The following GNAO1 variants were observed in gnomAD, a reference collection of about 807,000 sequenced individuals.
The protein encoded by GNAO1 is guanine nucleotide-binding protein G(o) subunit alpha.
For synonymous variants in GNAO1, 164 were observed against 180.7 expected (o/e 0.91, Z 0.74); for missense variants, 166 against 478.7 (o/e 0.35, Z 6.10).
intron 2 of GNAO1, among the ~76,000 whole-genome samples, chr16:56,240,559 T>C (rs1257359970): frequency 6.6e-6 from 1 of 152,208 alleles, no homozygotes; most frequent in African/African-American, 2.4e-5. Context: ...ACAGCATTTC[T>C]TCTCTTGTCT....
intron 3 of GNAO1, among the ~76,000 whole-genome samples, chr16:56,323,170 A>T (rs1596864531): frequency 6.6e-6 from 1 of 152,234 alleles, no homozygotes; most frequent in East Asian, 1.9e-4. Flanking sequence ...GCCCCGTGAG[A>T]GGGGGCAAGT....
intron 2 of GNAO1, among the ~76,000 whole-genome samples, chr16:56,225,573 G>T (rs1425252545): frequency 2.0e-5 from 3 of 152,196 alleles, no homozygotes; most frequent in African/African-American, 7.2e-5. Flanking sequence ...ACTCTGTTGA[G>T]ATCTGATGGG....
At chr16:56,288,015 G>C (rs2037190860) in intron 3 of GNAO1, among the ~76,000 whole-genome samples, 1 of 152,162 alleles carries the variant, frequency 6.6e-6, no homozygotes, top group Admixed American at 6.5e-5. Flanking sequence ...TGCTGAAATG[G>C]CTACTGCTCC....
In GNAO1 at chr16:56,351,326, C is replaced by T; in HGVS notation, c.724-58C>T. 3 of 1,293,990 alleles carry T rather than the reference C, an allele frequency of 2.3e-6. No individual in the cohort carries two copies. Among genetic ancestry groups the T allele is most frequent in the Non-Finnish European group, 3.3e-6 (3 of 900,724 alleles). The allele number at this position is 1,293,990 out of a possible 1,614,324, so 80.2% of individuals were successfully genotyped here. On this transcript the variant is annotated intron_variant, in intron 6 of 8. Coordinates refer to ENST00000262493, the MANE Select transcript of GNAO1 (RefSeq NM_020988.3). This position sits in a 1 kb window ranked among gnomAD's most constrained non-coding sequence, Gnocchi z 6.1. Reference sequence around the variant, plus strand: ...AGCCTAATTCTCTCCTTCTCTTTCCCTGTCTCTGTGTCTCCCTCCCGCTGT... The same window carrying T: ...AGCCTAATTCTCTCCTTCTCTTTCCTTGTCTCTGTGTCTCCCTCCCGCTGT...
chr16:56,201,394 A>C (rs2036280748), intron 2 of GNAO1, among the ~76,000 whole-genome samples: 1 of 152,242 alleles, frequency 6.6e-6, no homozygotes, highest in Non-Finnish European at 1.5e-5. Context: ...CAAAATATGT[A>C]AGAGGAGTGT....
intron 3 of GNAO1, among the ~76,000 whole-genome samples, chr16:56,287,908 G>C (rs1267885851): frequency 2.6e-5 from 4 of 152,182 alleles, no homozygotes; most frequent in African/African-American, 9.7e-5. Context: ...CAGACACTGT[G>C]TGACTGAGAA....
chr16:56,265,806 T>G (rs2036946494), intron 2 of GNAO1, among the ~76,000 whole-genome samples: 1 of 152,112 alleles, frequency 6.6e-6, no homozygotes, highest in Non-Finnish European at 1.5e-5. Context: ...AGGTGAGCAT[T>G]TGTTTTAATG....
At chr16:56,199,911 T>TG (rs1488920363) in intron 2 of GNAO1, among the ~76,000 whole-genome samples, 1 of 152,220 alleles carries the variant, frequency 6.6e-6, no homozygotes, top group Non-Finnish European at 1.5e-5. Flanking sequence ...TAATAGTTGG[T>TG]GCCCTGAATT....
intron 6 of GNAO1, chr16:56,344,089 G>A: frequency 6.8e-7 from 1 of 1,468,314 alleles, no homozygotes. Flanking sequence ...GGAGGGAGGA[G>A]GGAGCATCCT....
chr16:56,226,455 C>T (rs1363003906), intron 2 of GNAO1: 4 of 152,144 alleles, frequency 2.6e-5, no homozygotes, highest in Admixed American at 2.6e-4. Context: ...TGAGCCAGCA[C>T]AACTCACTCC....
At position 56,254,657 on chromosome 16, in the gene GNAO1, T is replaced by G. The variant is rs187950120; in HGVS notation, c.162-21274T>G. On this transcript the variant is annotated intron_variant, in intron 2 of 8. Transcript: ENST00000262493. Reference sequence around the variant, plus strand: ...TCTGGCATCTTCTGTTTTTAATGAGTAATCTAATCTGTTGACTGATGTACT... The same window carrying G: ...TCTGGCATCTTCTGTTTTTAATGAGGAATCTAATCTGTTGACTGATGTACT... Among the ~76,000 whole-genome samples the G allele has an allele frequency of 5.4e-4, 83 of 152,304 alleles. 4 individuals are homozygous for G. In the East Asian group the frequency reaches 8.7e-3, roughly 16 times the overall value.
Position 56,313,588 on chromosome 16 carries a change from T to G in GNAO1, c.304-15043T>G, listed in dbSNP as rs1042422593. Among the ~76,000 whole-genome samples, 4 of 152,278 alleles carry G rather than the reference T, an allele frequency of 2.6e-5. No individual in the cohort carries two copies. In the South Asian group the frequency reaches 8.3e-4, roughly 32 times the overall value. On this transcript the variant is annotated intron_variant, in intron 3 of 8. Transcript: ENST00000262493. ...GATGTGTTGTTTGGTTGAAGAAAAA[T>G]TTGGCCCCACACGAACAGGGAAGGA...
intron 3 of GNAO1, among the ~76,000 whole-genome samples, chr16:56,292,036 G>C: frequency 6.6e-6 from 1 of 152,126 alleles, no homozygotes; most frequent in Non-Finnish European, 1.5e-5. Context: ...CCCTGCCTTC[G>C]GGACTTACAC....
At chr16:56,285,257 CA>C (rs1467883215) in intron 3 of GNAO1, among the ~76,000 whole-genome samples, 2 of 152,150 alleles carry the variant, frequency 1.3e-5, no homozygotes, top group African/African-American at 4.8e-5. Flanking sequence ...CCCCGCCCCC[CA>C]CCGCCACCAT....
At chr16:56,253,885 A>C (rs2036822112) in intron 2 of GNAO1, among the ~76,000 whole-genome samples, 1 of 152,260 alleles carries the variant, frequency 6.6e-6, no homozygotes, top group South Asian at 2.1e-4. Flanking sequence ...CTTAAAAAAC[A>C]AACAAAAAAA....
At chr16:56,220,588 G>T (rs149071756) in intron 2 of GNAO1, among the ~76,000 whole-genome samples, 2 of 152,160 alleles carry the variant, frequency 1.3e-5, no homozygotes, top group Admixed American at 6.5e-5. Flanking sequence ...AAATGTTTGC[G>T]TATGGGGGTT....
chr16:56,348,271 GC>G (rs1567495040), intron 6 of GNAO1: 1 of 796,110 alleles, frequency 1.3e-6, no homozygotes, highest in African/African-American at 1.9e-5. Context: ...GTGTCCTCGG[GC>G]CCTGCCCCAT....
intron 2 of GNAO1, among the ~76,000 whole-genome samples, chr16:56,256,093 G>T (rs762646524): frequency 2.6e-5 from 4 of 152,166 alleles, no homozygotes; most frequent in Non-Finnish European, 5.9e-5. Flanking sequence ...GAAGCATGTT[G>T]TGAGTGTTCT....
chr16:56,203,389 A>G (rs1344370832), intron 2 of GNAO1, among the ~76,000 whole-genome samples: 1 of 152,118 alleles, frequency 6.6e-6, no homozygotes, highest in Non-Finnish European at 1.5e-5. Flanking sequence ...TATAGTCACT[A>G]TGAGAAAAAA....
Sources: gnomAD v4.1 joint callset for allele counts (sites outside exome capture counted in the v4.1 genomes callset) on GRCh38, gnomAD v4.1.1 for gene constraint, Gnocchi (gnomAD v3.1) non-coding constraint, MANE v1.5 for transcripts, NCBI Gene and HGNC (gene_info 2026-07-23, HGNC 2026-07-21) for gene names.